AHNAK: variants seen among roughly 807,000 people sequenced by gnomAD.
AHNAK encodes AHNAK nucleoprotein, also known as neuroblast differentiation-associated protein AHNAK.
In AHNAK, 23 loss-of-function variants were observed where a neutral mutation model predicts 37.8. The ratio of observed to expected loss-of-function variants is 0.61; its 90% CI spans 0.44 to 0.86. AHNAK has a LOEUF of 0.86. AHNAK is among the 40% of genes least tolerant of loss of function. The pLI is 0.00. For synonymous variants in AHNAK, 2,481 were observed against 2,636.3 expected, an observed-to-expected ratio of 0.94 and a Z score of 1.80; for missense variants, 7,411 against 7,319.4, an observed-to-expected ratio of 1.01 and a Z score of -0.46.
In AHNAK at chr11:62,533,967, G is replaced by T; in HGVS notation, c.450C>A (p.Thr150=). The T allele has an allele frequency of 1.2e-6, 2 of 1,613,432 alleles. No homozygotes were observed. Among genetic ancestry groups the T allele is most frequent in the Non-Finnish European group, 1.7e-6 (2 of 1,179,530 alleles). The change falls in exon 5 of 5, where the codon ACC becomes ACA. Residue 150 remains threonine (T), a synonymous_variant. Coordinates refer to ENST00000378024, the MANE Select transcript of AHNAK (RefSeq NM_001620.3). ...CCGTGACCCTTCTGGTCACTGTGAT[G>T]GTACGGCTCTGGGTCTCCCCGAGGT... ...EGDLGETQSR[T]ITVTRRVTAY... is the part of the protein sequence containing the mutation.
At chr11:62,460,848 GTC>G (rs1938766857) in intron 5 of AHNAK, among the ~76,000 whole-genome samples, 1 of 152,146 alleles carries the variant, frequency 6.6e-6, no homozygotes, top group South Asian at 2.1e-4. Flanking sequence ...GCGTCTCAGA[GTC>G]TCGCTCTGTC....
In AHNAK at chr11:62,527,051, G is replaced by C. The variant is rs1241000343; in HGVS notation, c.7366C>G (p.Pro2456Ala). 4 of 1,614,122 alleles carry C rather than the reference G, an allele frequency of 2.5e-6. No homozygotes were observed. In the Admixed American group the frequency reaches 6.7e-5, roughly 27 times the overall value. Residue 2456 changes from proline to alanine, a missense_variant, in exon 5 of 5, where the codon CCT (proline) becomes GCT (alanine). Transcript: ENST00000378024. ...CCTTTGAGATTTAGATCAACATCAG[G>C]CATAGAAATATTGGGGGCTTTGAAA... ...MHFKAPNISM[P>A]DVDLNLKGPK...
rs1359090039 is a variant in AHNAK at position 62,531,603 on chromosome 11, C to A, written c.2814G>T (p.Glu938Asp). The A allele has an allele frequency of 6.2e-7, 1 of 1,613,560 alleles. No homozygotes were observed. Among genetic ancestry groups the A allele is most frequent in the Non-Finnish European group, 8.5e-7 (1 of 1,179,874 alleles). ...AGATCTTGGGGGCCTTGATATTCAT[C>A]TCTGGCATCTTGAACTTGGGGCCCT... ...KLKGPKFKMPEMNIKAPKISM... is the reference protein window; with the variant it reads ...KLKGPKFKMPDMNIKAPKISM... The change falls in exon 5 of 5, where the codon GAG (glutamate) becomes GAT (aspartate). Residue 938 changes from glutamate (E) to aspartate (D), a missense_variant. By Grantham distance (45) the Glu-to-Asp change is conservative. Coordinates refer to ENST00000378024, the MANE Select transcript of AHNAK (RefSeq NM_001620.3).
chr11:62,536,878 A>G (rs180684299), intron 1 of AHNAK, among the ~76,000 whole-genome samples: 10 of 152,342 alleles, frequency 6.6e-5, no homozygotes, highest in Non-Finnish European at 1.5e-5. Context: ...GAGAAAAAAT[A>G]GAGCACTGGC....
chr11:62,524,623 G>A lies in AHNAK; in HGVS notation c.9794C>T (p.Pro3265Leu), dbSNP rs753243495. 6.2e-7 allele frequency: 1 copy of A among 1,614,138 alleles called. No homozygotes were observed. The highest frequency in any genetic ancestry group is 1.7e-5 in the Admixed American group (1 of 60,012). ...IKGPKIDVDA[P>L]DIDIHGPDAK... is the part of the protein sequence containing the mutation. ...ATCTGGGCCATGAATGTCAATATCT[G>A]GAGCATCTACATCTATCTTTGGGCC... is the stretch of plus-strand genomic sequence containing the variant. The change falls in exon 5 of 5, where the codon CCA becomes CTA. Residue 3265 changes from proline (P) to leucine (L), a missense_variant. By Grantham distance (98) the Pro-to-Leu change is moderately conservative. Transcript: ENST00000378024.
intron 1 of AHNAK, among the ~76,000 whole-genome samples, chr11:62,538,088 C>T (rs1941010141): frequency 6.6e-6 from 1 of 152,110 alleles, no homozygotes. Context: ...TGTTCCACCT[C>T]CCTCAGAGAC....
intron 5 of AHNAK, among the ~76,000 whole-genome samples, chr11:62,435,276 T>C (rs1276545258): frequency 6.6e-6 from 1 of 152,242 alleles, no homozygotes; most frequent in East Asian, 1.9e-4. Context: ...ATGTTACACT[T>C]TGTGAAGAAA....
rs1448302343 is a variant in AHNAK, at chr11:62,535,173, C to T, written c.172G>A (p.Ala58Thr). 1 of 1,610,734 alleles carries T rather than the reference C, an allele frequency of 6.2e-7. No homozygotes were observed. The highest frequency in any genetic ancestry group is 8.5e-7 in the Non-Finnish European group (1 of 1,177,156). Residue 58 changes from alanine to threonine, a missense_variant, in exon 4 of 5, where the codon GCC becomes ACC. Physicochemically the swap from Ala to Thr is moderately conservative, Grantham distance 58. Coordinates refer to ENST00000378024, the MANE Select transcript of AHNAK (RefSeq NM_001620.3). The part of the protein sequence containing the change: ...VVKEGDQIVG[A>T]TIYFDNLQSG... ...TGCAGGTTGTCAAAGTAGATGGTGG[C>T]ACCCACAATCTGGTCCCCTGAGCAG...
intron 5 of AHNAK, among the ~76,000 whole-genome samples, chr11:62,484,680 C>A (rs1023673852): frequency 6.6e-6 from 1 of 152,138 alleles, no homozygotes. Context: ...GAAGCCTCTA[C>A]GCTACCACGA....
rs1355247069 is a variant in AHNAK at position 62,520,408 on chromosome 11, G to A, written c.14009C>T (p.Pro4670Leu). 1.2e-6 allele frequency: 2 copies of A among 1,613,346 alleles called. No individual in the cohort carries two copies. The highest frequency in any genetic ancestry group is 1.3e-5 in the African/African-American group (1 of 74,620). Reference sequence around the variant, plus strand: ...CTTGGGCAGGTTCACATCCACATCTGGGCCCTCTCCTTTGAAGCCAGGCAT... The same window carrying A: ...CTTGGGCAGGTTCACATCCACATCTAGGCCCTCTCCTTTGAAGCCAGGCAT... ...FSMPGFKGEGPDVDVNLPKAD... is the reference protein window; with the variant it reads ...FSMPGFKGEGLDVDVNLPKAD... Residue 4670 changes from proline to leucine, a missense_variant, in exon 5 of 5, where the codon CCA becomes CTA. Physicochemically the swap from Pro to Leu is moderately conservative, Grantham distance 98 (BLOSUM62 -3). Transcript: ENST00000378024.
Position 62,546,673 on chromosome 11 carries a change from C to T in AHNAK, c.-113G>A, listed in dbSNP as rs1941322273. On this transcript the variant is annotated 5_prime_UTR_variant, in exon 1 of 5. Transcript: ENST00000378024. Reference sequence around the variant, plus strand: ...TGGCGCCCCTACCTGAGGGCTCAGCCCCAGGGCACGGCCATAGCCGGCGCG... The same window carrying T: ...TGGCGCCCCTACCTGAGGGCTCAGCTCCAGGGCACGGCCATAGCCGGCGCG... 3 of 152,304 alleles carry T rather than the reference C, an allele frequency of 2.0e-5. No individual in the cohort carries two copies. In the South Asian group the frequency reaches 6.2e-4, roughly 31 times the overall value. The allele number at this position is 152,304 out of a possible 1,614,324, so 9.4% of individuals were successfully genotyped here. A position where few individuals can be genotyped will look rare whatever the true frequency, so the allele number is the denominator to read the frequency against.
intron 5 of AHNAK, among the ~76,000 whole-genome samples, chr11:62,434,090 C>T (rs1178424279): frequency 2.0e-5 from 3 of 152,244 alleles, no homozygotes; most frequent in East Asian, 1.9e-4. Flanking sequence ...GGTCTTGCCA[C>T]GCCTCCCTCT....
rs115362908 is a variant in AHNAK at position 62,524,440 on chromosome 11, C to T, written c.9977G>A (p.Ser3326Asn). The change falls in exon 5 of 5, where the codon AGT becomes AAT. Residue 3326 changes from serine (S) to asparagine (N), a missense_variant. Ser to Asn is a conservative substitution (Grantham distance 46). Coordinates refer to ENST00000378024, the MANE Select transcript of AHNAK (RefSeq NM_001620.3). ...PKLEGDIKAP[S>N]LDIKGPEVDV... is the part of the protein sequence containing the mutation. ...CACTTCTGGGCCCTTTATATCCAAACTGGGAGCTTTAATGTCACCTTCCAA... is the reference window on the plus strand; with the variant it reads ...CACTTCTGGGCCCTTTATATCCAAATTGGGAGCTTTAATGTCACCTTCCAA... The T allele has an allele frequency of 6.8e-4, 1,101 of 1,613,890 alleles. 9 individuals are homozygous for T. In the African/African-American group the frequency reaches 0.012, roughly 18 times the overall value.
rs141451542 is a variant in AHNAK at position 62,522,304 on chromosome 11, T to C, written c.12113A>G (p.Lys4038Arg). The C allele has an allele frequency of 1.0e-3, 1,668 of 1,613,500 alleles. 17 individuals are homozygous for C. Among genetic ancestry groups the C allele is most frequent in the South Asian group, 7.8e-3 (710 of 91,026 alleles). ...GDLKAPEVDI[K>R]GPKVDIDAPD... is the part of the protein sequence containing the mutation. ...GGCATCAATGTCCACTTTGGGGCCCTTGATGTCAACTTCAGGGGCCTTTAG... is the reference window on the plus strand; with the variant it reads ...GGCATCAATGTCCACTTTGGGGCCCCTGATGTCAACTTCAGGGGCCTTTAG... Residue 4038 changes from lysine (K) to arginine (R), a missense_variant, in exon 5 of 5, where the codon AAG (lysine) becomes AGG (arginine). Physicochemically the swap from Lys to Arg is conservative, Grantham distance 26. Coordinates refer to ENST00000378024, the MANE Select transcript of AHNAK (RefSeq NM_001620.3).
At chr11:62,449,846 C>T (rs553541279) in intron 5 of AHNAK, among the ~76,000 whole-genome samples, 1 of 152,188 alleles carries the variant, frequency 6.6e-6, no homozygotes, top group Non-Finnish European at 1.5e-5. Flanking sequence ...AGTATCTTAG[C>T]TGATGCCTAG....
At position 62,516,580 on chromosome 11, in the gene AHNAK, C is replaced by T; in HGVS notation, c.*164G>A. 1 of 1,467,096 alleles carries T rather than the reference C, an allele frequency of 6.8e-7. No individual in the cohort carries two copies. Among genetic ancestry groups the T allele is most frequent in the Non-Finnish European group, 8.9e-7 (1 of 1,120,488 alleles). 90.9% of individuals were successfully genotyped at this position (1,467,096 alleles called of 1,614,324 possible). Reference sequence around the variant, plus strand: ...TACCTATCTGTATAGTTCCAGGAGCCTACAGGCGGTCGGTTTTTCAGCGCT... The same window carrying T: ...TACCTATCTGTATAGTTCCAGGAGCTTACAGGCGGTCGGTTTTTCAGCGCT... On this transcript the variant is annotated 3_prime_UTR_variant, in exon 5 of 5. Transcript: ENST00000378024.
rs1565244623 is a variant in AHNAK at position 62,532,047 on chromosome 11, A to G, written c.2370T>C (p.Pro790=). The G allele has an allele frequency of 6.2e-7, 1 of 1,610,968 alleles. No individual in the cohort carries two copies. Among genetic ancestry groups the G allele is most frequent in the African/African-American group, 1.4e-5 (1 of 73,890 alleles). ...CTTCTGGTTCCTCAATGCTCACATC[A>G]GGAGCAGTAACATCTATCTTGGGCC... is the stretch of plus-strand genomic sequence containing the variant. ...ISGPKIDVTA[P]DVSIEEPEGK... is the part of the protein sequence containing the mutation. Residue 790 remains proline (P), a synonymous_variant, in exon 5 of 5, where the codon CCT becomes CCC. Transcript: ENST00000378024.
Position 62,518,435 on chromosome 11 carries a change from C to T in AHNAK, c.15982G>A (p.Gly5328Arg). ...SVPSMKVHAP[G>R]LNLSGVGGKM... ...CCACCGACACCACTGAGGTTGAGCCCTGGAGCATGCACCTTCATGCTGGGA... is the reference window on the plus strand; with the variant it reads ...CCACCGACACCACTGAGGTTGAGCCTTGGAGCATGCACCTTCATGCTGGGA... The change falls in exon 5 of 5, where the codon GGG becomes AGG. Residue 5328 changes from glycine to arginine, a missense_variant. Gly to Arg is a moderately radical substitution (Grantham distance 125). Coordinates refer to ENST00000378024, the MANE Select transcript of AHNAK (RefSeq NM_001620.3). 6.2e-7 allele frequency: 1 copy of T among 1,614,128 alleles called. No individual in the cohort carries two copies. Among genetic ancestry groups the T allele is most frequent in the Non-Finnish European group, 8.5e-7 (1 of 1,180,012 alleles).
chr11:62,532,741 C>T lies in AHNAK; in HGVS notation c.1676G>A (p.Ser559Asn). 2 of 1,614,038 alleles carry T rather than the reference C, an allele frequency of 1.2e-6. No individual in the cohort carries two copies. The highest frequency in any genetic ancestry group is 1.7e-6 in the Non-Finnish European group (2 of 1,179,984). Residue 559 changes from serine (S) to asparagine (N), a missense_variant, in exon 5 of 5, where the codon AGT becomes AAT. Ser to Asn is a conservative substitution (Grantham distance 46, BLOSUM62 1). Coordinates refer to ENST00000378024, the MANE Select transcript of AHNAK (RefSeq NM_001620.3). ...EGTLTGPRLG[S>N]PSGKTGTCRI... ...ACAGGTTCCGGTTTTCCCGGAAGGA[C>T]TGCCAAGCCTAGGGCCTGTCAAGGT...
Sources: gnomAD v4.1 joint callset for allele counts (sites outside exome capture counted in the v4.1 genomes callset) on GRCh38, gnomAD v4.1.1 for gene constraint, MANE v1.5 for transcripts, NCBI Gene and HGNC (gene_info 2026-07-23, HGNC 2026-07-21) for gene names.